The following PPME1 variants were observed in gnomAD, a reference collection of about 807,000 sequenced individuals.
PPME1 encodes testicular secretory protein Li 39.
Under a neutral mutation model 56.9 loss-of-function variants are expected in PPME1, and 17 were observed. The ratio of observed to expected loss-of-function variants is 0.30; its 90% CI spans 0.20 to 0.45. The LOEUF (loss-of-function observed/expected upper bound fraction) is 0.45. PPME1 is among the 20% of genes least tolerant of loss of function. The pLI, the probability that PPME1 is intolerant of heterozygous loss-of-function variation, is 1.00. For missense variants in PPME1, 357 were observed against 483.2 expected (o/e 0.74, Z 2.45); for synonymous variants, 122 against 156.2 (o/e 0.78, Z 1.63).
intron 1 of PPME1, among the ~76,000 whole-genome samples, chr11:74,196,141 C>T (rs1255108100): frequency 1.3e-5 from 2 of 152,174 alleles, no homozygotes; most frequent in Admixed American, 1.3e-4. Context: ...GAAATTTAGA[C>T]TAAAAGAATC....
intron 1 of PPME1, among the ~76,000 whole-genome samples, chr11:74,175,314 C>G (rs1398146574): frequency 1.3e-5 from 2 of 151,940 alleles, no homozygotes; most frequent in African/African-American, 4.8e-5. Flanking sequence ...ACCAGCCTGA[C>G]CAACATAGAA....
chr11:74,187,450 C>T (rs1857715727), intron 1 of PPME1, among the ~76,000 whole-genome samples: 1 of 152,056 alleles, frequency 6.6e-6, no homozygotes, highest in Admixed American at 6.5e-5. Flanking sequence ...TTAAATCTTG[C>T]ATTTATTTGG....
intron 1 of PPME1, among the ~76,000 whole-genome samples, chr11:74,172,621 C>G (rs540818088): frequency 1.3e-5 from 2 of 151,868 alleles, no homozygotes; most frequent in African/African-American, 4.8e-5. Context: ...ATACTTGGGC[C>G]GAGGAGAAAG....
At chr11:74,183,233 A>T (rs914167727) in intron 1 of PPME1, among the ~76,000 whole-genome samples, 5 of 152,098 alleles carry the variant, frequency 3.3e-5, no homozygotes, top group African/African-American at 1.2e-4. Context: ...GGAGGTTGAG[A>T]TTGCAGTGAG....
At position 74,233,633 on chromosome 11, in the gene PPME1, C is replaced by T. The variant is rs560138511; in HGVS notation, c.645-2268C>T. On this transcript the variant is annotated intron_variant, in intron 7 of 13. Transcript: ENST00000328257. ...TTTGAGACCAGCCTGGGCAACATAG[C>T]GAGACCCTGTCTCTACAAAAAATAT... 5.9e-5 allele frequency among the ~76,000 whole-genome samples: 9 copies of T among 152,060 alleles called. No individual in the cohort carries two copies. In the East Asian group the frequency reaches 1.7e-3, roughly 29 times the overall value.
intron 1 of PPME1, among the ~76,000 whole-genome samples, chr11:74,176,131 T>C (rs1432193858): frequency 6.6e-6 from 1 of 152,234 alleles, no homozygotes; most frequent in Non-Finnish European, 1.5e-5. Flanking sequence ...ACATAAGCTC[T>C]TAAAGAATGA....
At chr11:74,210,718 C>A (rs1858450220) in intron 3 of PPME1, among the ~76,000 whole-genome samples, 1 of 152,182 alleles carries the variant, frequency 6.6e-6, no homozygotes, top group Non-Finnish European at 1.5e-5. Flanking sequence ...CAGCCTGATG[C>A]ACTCAGCAGC....
intron 9 of PPME1, among the ~76,000 whole-genome samples, chr11:74,240,980 A>G (rs571802379): frequency 2.6e-5 from 4 of 152,356 alleles, no homozygotes; most frequent in Admixed American, 2.0e-4. Context: ...GTCACACATA[A>G]AAGTTAAAGC....
intron 11 of PPME1, 132 bp downstream of exon 11, chr11:74,247,255 C>T (rs1859527118): frequency 1.5e-6 from 1 of 668,080 alleles, no homozygotes; most frequent in Admixed American, 3.0e-5. Flanking sequence ...TGGACATCCG[C>T]CTCTACTCCT....
At position 74,251,014 on chromosome 11, in the gene PPME1, A is replaced by C; in HGVS notation, c.1070A>C (p.Asp357Ala). 3 of 1,594,876 alleles carry C rather than the reference A, an allele frequency of 1.9e-6. No individual in the cohort carries two copies. Among genetic ancestry groups the C allele is most frequent in the African/African-American group, 1.3e-5 (1 of 74,718 alleles). Residue 357 changes from aspartate to alanine, a missense_variant, in exon 12 of 14, where the codon GAC (aspartate) becomes GCC (alanine). By Grantham distance (126) the Asp-to-Ala change is moderately radical (BLOSUM62 -2). Around this residue, in one of 2 missense-constraint regions of PPME1, gnomAD observed 182 missense variants for 293.8 expected, o/e 0.62. Coordinates refer to ENST00000328257, the MANE Select transcript of PPME1 (RefSeq NM_016147.3). ...CATGCAGTCCATGAGGATGCCCCTG[A>C]CAAGGTGAGTCTGGTGCTCAGTGAC... ...CGHAVHEDAP[D>A]KVAEAVATFL... is the part of the protein sequence containing the mutation.
chr11:74,191,349 C>T (rs1857832093), intron 1 of PPME1, among the ~76,000 whole-genome samples: 2 of 152,138 alleles, frequency 1.3e-5, no homozygotes, highest in Non-Finnish European at 2.9e-5. Flanking sequence ...GAAGAAAAAA[C>T]AAAGTTGGTA....
At chr11:74,251,515 A>C in intron 12 of PPME1, 133 bp from the exon 13 acceptor site, 2 of 1,469,466 alleles carry the variant, frequency 1.4e-6, no homozygotes, top group Non-Finnish European at 1.8e-6. Flanking sequence ...AGGTCCTTTT[A>C]ATTTCAAGCC....
At chr11:74,176,980 C>T (rs1407003113) in intron 1 of PPME1, among the ~76,000 whole-genome samples, 1 of 151,914 alleles carries the variant, frequency 6.6e-6, no homozygotes, top group Non-Finnish European at 1.5e-5. Context: ...ATCCACCCAC[C>T]TCAGCCTTCC....
intron 1 of PPME1, among the ~76,000 whole-genome samples, chr11:74,183,459 A>G (rs1008375000): frequency 1.3e-5 from 2 of 152,230 alleles, no homozygotes; most frequent in Non-Finnish European, 2.9e-5. Context: ...GACTCCAACT[A>G]TGAAGAAATG....
chr11:74,189,001 T>C (rs1335572198), intron 1 of PPME1, among the ~76,000 whole-genome samples: 2 of 152,252 alleles, frequency 1.3e-5, no homozygotes, highest in Non-Finnish European at 2.9e-5. Flanking sequence ...CTTTTTTGTT[T>C]GTAATATCCT....
chr11:74,174,204 A>T (rs556512921), intron 1 of PPME1, among the ~76,000 whole-genome samples: 1 of 152,312 alleles, frequency 6.6e-6, no homozygotes, highest in East Asian at 1.9e-4. Context: ...TTAATAAATG[A>T]GGGAACTGAG....
chr11:74,212,057 G>T (rs1456779531), intron 3 of PPME1, among the ~76,000 whole-genome samples: 1 of 152,190 alleles, frequency 6.6e-6, no homozygotes, highest in East Asian at 1.9e-4. Context: ...AATGATCACA[G>T]TACCTAGATT....
intron 1 of PPME1, among the ~76,000 whole-genome samples, chr11:74,187,828 AGGAATTAAGGTTGCAAAT>A (rs986620122): frequency 1.3e-5 from 2 of 152,226 alleles, no homozygotes; most frequent in South Asian, 2.1e-4. Context: ...CATGGCAGAG[AGGAATTAAGGTTGCAAAT>A]GGAATTAAGG....
chr11:74,184,607 A>G (rs1429433429), intron 1 of PPME1, among the ~76,000 whole-genome samples: 1 of 152,228 alleles, frequency 6.6e-6, no homozygotes, highest in African/African-American at 2.4e-5. Flanking sequence ...ATTTAACAAA[A>G]TCTTCACGCC....
Sources: allele counts gnomAD v4.1 joint callset (sites outside exome capture counted in the v4.1 genomes callset), GRCh38; gene constraint gnomAD v4.1.1; regional missense constraint gnomAD v4.1.1; transcripts MANE v1.5; gene names NCBI Gene and HGNC (gene_info 2026-07-23, HGNC 2026-07-21).